FAF2: variants seen among roughly 807,000 people sequenced by gnomAD.
The protein encoded by FAF2 is FAS-associated factor 2.
FAF2 carries 9 observed loss-of-function variants against 62.3 expected under a neutral mutation model. The observed-to-expected ratio is 0.14, with a 90% CI of 0.09 to 0.25. FAF2 has a LOEUF of 0.25. Ranked by LOEUF, FAF2 falls within the 10% of genes least tolerant of loss-of-function variation. The probability of loss-of-function intolerance (pLI) is 1.00; values close to 1 mark genes in which losing one functional copy is unlikely to be tolerated. For synonymous variants in FAF2, 202 were observed against 198.0 expected, an observed-to-expected ratio of 1.02 and a Z score of -0.17; for missense variants, 368 against 556.2, an observed-to-expected ratio of 0.66 and a Z score of 3.40.
Position 176,507,578 on chromosome 5 carries a change from GC to G in FAF2, c.*631del, listed in dbSNP as rs889514502. On this transcript the variant is annotated 3_prime_UTR_variant, in exon 11 of 11. Transcript: ENST00000261942. ...CAATTCTTTAAACCCATGAGTTTAT[GC>G]CCTGGGCTCCTTAGCCCACAATAGT... is the stretch of plus-strand genomic sequence containing the variant. 1.1e-4 allele frequency: 18 copies of G among 160,464 alleles called. No individual in the cohort carries two copies. Among genetic ancestry groups the G allele is most frequent in the African/African-American group, 3.9e-4 (16 of 41,498 alleles). The allele number at this position is 160,464 out of a possible 1,614,324, so 9.9% of individuals were successfully genotyped here.
At chr5:176,472,899 CCTT>C (rs1758599419) in intron 1 of FAF2, among the ~76,000 whole-genome samples, 1 of 152,064 alleles carries the variant, frequency 6.6e-6, no homozygotes, top group Non-Finnish European at 1.5e-5. Context: ...ATGTTTCCTC[CCTT>C]CTTGTTTCCT....
intron 3 of FAF2, among the ~76,000 whole-genome samples, chr5:176,487,167 T>C (rs1027895366): frequency 5.3e-5 from 8 of 152,166 alleles, no homozygotes; most frequent in African/African-American, 1.2e-4. Flanking sequence ...AGCCTTTTTG[T>C]GGAGTACTTG....
chr5:176,481,929 C>T (rs1297863662), intron 2 of FAF2, among the ~76,000 whole-genome samples: 1 of 152,126 alleles, frequency 6.6e-6, no homozygotes, highest in African/African-American at 2.4e-5. Flanking sequence ...TTTTGAAGAG[C>T]TCCCAGACTG....
chr5:176,481,500 A>G (rs1485521509), intron 2 of FAF2, among the ~76,000 whole-genome samples: 5 of 152,066 alleles, frequency 3.3e-5, no homozygotes, highest in Non-Finnish European at 5.9e-5. Context: ...TACTAAAAAT[A>G]TAAAAAATTA....
At chr5:176,498,668 T>G (rs1429834736) in intron 8 of FAF2, among the ~76,000 whole-genome samples, 4 of 152,288 alleles carry the variant, frequency 2.6e-5, no homozygotes, top group Non-Finnish European at 4.4e-5. Context: ...GGGAAAAGTT[T>G]TATTTTAAAA....
At chr5:176,472,831 T>C (rs1758598718) in intron 1 of FAF2, among the ~76,000 whole-genome samples, 1 of 152,304 alleles carries the variant, frequency 6.6e-6, no homozygotes, top group South Asian at 2.1e-4. Flanking sequence ...TGAATGATCT[T>C]TCCCCTGCCT....
chr5:176,480,567 C>T (rs1758770654), intron 2 of FAF2, among the ~76,000 whole-genome samples: 1 of 151,966 alleles, frequency 6.6e-6, no homozygotes, highest in Non-Finnish European at 1.5e-5. Context: ...CATGTAACAC[C>T]ATGCCCAGCT....
Position 176,492,248 on chromosome 5 carries a change from T to C in FAF2, c.399T>C (p.Val133=), listed in dbSNP as rs749318326. The C allele has an allele frequency of 6.2e-7, 1 of 1,614,176 alleles. No homozygotes were observed. The highest frequency in any genetic ancestry group is 1.1e-5 in the South Asian group (1 of 91,082). The change falls in exon 5 of 11, where the codon GTT becomes GTC. Residue 133 remains valine, a synonymous_variant. Coordinates refer to ENST00000261942, the MANE Select transcript of FAF2 (RefSeq NM_014613.3). ...PDPRSRVTDP[V]GDIVSFMHSF... The stretch of plus-strand genomic sequence containing the variant: ...CTCGCAGCCGGGTCACTGACCCCGT[T>C]GGGGACATTGTTTCATTTATGCACT...
At chr5:176,453,882 C>T (rs923512898) in intron 1 of FAF2, among the ~76,000 whole-genome samples, 1 of 151,476 alleles carries the variant, frequency 6.6e-6, no homozygotes, top group Non-Finnish European at 1.5e-5. Flanking sequence ...GGTGAAACCC[C>T]GTCTCTACTA....
chr5:176,488,751 CA>C lies in FAF2; in HGVS notation c.268-191del, dbSNP rs199949403. ...AAGCAGATTTAATACAAAAATTCTGCAAAAAAAAATGATAGTAAGATGAAAT... is the reference window on the plus strand; with the variant it reads ...AAGCAGATTTAATACAAAAATTCTGCAAAAAAAATGATAGTAAGATGAAAT... On this transcript the variant is annotated intron_variant, in intron 3 of 10. Coordinates refer to ENST00000261942, the MANE Select transcript of FAF2 (RefSeq NM_014613.3). Among the ~76,000 whole-genome samples, 83 of 147,616 alleles carry C rather than the reference CA, an allele frequency of 5.6e-4. No homozygotes were observed. The East Asian group carries it at 0.014, about 25-fold the overall frequency.
In FAF2 at chr5:176,461,493, A is replaced by AT. The variant is rs1382605348; in HGVS notation, c.63+13027dup. Among the ~76,000 whole-genome samples the AT allele has an allele frequency of 1.4e-3, 198 of 146,154 alleles. 1 individual carries two copies. The highest frequency in any genetic ancestry group is 2.2e-3 in the Non-Finnish European group (145 of 65,748). ...CCACCACACTGGGCTAATTTTTTTT[A>AT]TTTTATTTTTTTTTTTTAGAGATAG... On this transcript the variant is annotated intron_variant, in intron 1 of 10. Transcript: ENST00000261942.
chr5:176,476,781 C>T (rs1018395415), intron 1 of FAF2, among the ~76,000 whole-genome samples: 4 of 147,604 alleles, frequency 2.7e-5, no homozygotes, highest in Admixed American at 6.9e-5. Context: ...ACTACAGGCA[C>T]GCAGCACCAC....
At chr5:176,466,809 T>C (rs187655598) in intron 1 of FAF2, among the ~76,000 whole-genome samples, 183 of 148,160 alleles carry the variant, frequency 1.2e-3, no homozygotes, top group South Asian at 2.3e-3. Context: ...TGACCAAAGC[T>C]GAAGTAGGAA....
chr5:176,490,523 C>T (rs987588421), intron 4 of FAF2, among the ~76,000 whole-genome samples: 1 of 108,814 alleles, frequency 9.2e-6, no homozygotes, highest in Admixed American at 9.4e-5. Flanking sequence ...ATGGGACAGC[C>T]TTTACCCTGC....
chr5:176,505,407 G>A (rs1755659711), intron 10 of FAF2, among the ~76,000 whole-genome samples: 1 of 152,188 alleles, frequency 6.6e-6, no homozygotes, highest in South Asian at 2.1e-4. Context: ...CCAGAGCAGG[G>A]TAAGGAGGGC....
chr5:176,452,515 G>C (rs1248510360), intron 1 of FAF2, among the ~76,000 whole-genome samples: 2 of 152,212 alleles, frequency 1.3e-5, no homozygotes, highest in African/African-American at 4.8e-5. Flanking sequence ...TAAGCTACTA[G>C]GTAGTGGAAT....
chr5:176,492,110 G>A, intron 4 of FAF2, 84 bp from the exon 5 acceptor site: 1 of 1,537,008 alleles, frequency 6.5e-7, no homozygotes, highest in Non-Finnish European at 9.0e-7. Flanking sequence ...CTCTGGCTCT[G>A]TTACAGGAAT....
At chr5:176,478,571 ATAAGT>A (rs1758740914) in intron 1 of FAF2, among the ~76,000 whole-genome samples, 1 of 152,260 alleles carries the variant, frequency 6.6e-6, no homozygotes, top group Non-Finnish European at 1.5e-5. Context: ...ATAAAATGAA[ATAAGT>A]TAATGAAAGG....
chr5:176,486,929 A>G (rs1038620912), intron 3 of FAF2, among the ~76,000 whole-genome samples: 1 of 152,332 alleles, frequency 6.6e-6, no homozygotes, highest in South Asian at 2.1e-4. Flanking sequence ...GCTACTAGGG[A>G]TCCAGACATG....
Sources: allele counts gnomAD v4.1 joint callset (sites outside exome capture counted in the v4.1 genomes callset), GRCh38; gene constraint gnomAD v4.1.1; transcripts MANE v1.5; gene names NCBI Gene and HGNC (gene_info 2026-07-23, HGNC 2026-07-21).